The following NADK2 variants were observed in gnomAD, a reference collection of about 807,000 sequenced individuals.
The protein encoded by NADK2 is NAD kinase domain-containing protein 1, mitochondrial.
In NADK2, 35 loss-of-function variants were observed where a neutral mutation model predicts 62.1. The observed-to-expected ratio is 0.56, with a 90% CI of 0.43 to 0.75. The LOEUF is 0.75. Ranked by LOEUF, NADK2 falls within the 30% of genes least tolerant of loss-of-function variation. NADK2 has a pLI of 0.00. For missense variants in NADK2, 439 were observed against 561.3 expected, an observed-to-expected ratio of 0.78 and a Z score of 2.20; for synonymous variants, 205 against 207.9, an observed-to-expected ratio of 0.99 and a Z score of 0.12.
chr5:36,217,687 AG>A, intron 6 of NADK2, 60 bp downstream of exon 6: 1 of 1,594,770 alleles, frequency 6.3e-7, no homozygotes, highest in Non-Finnish European at 8.6e-7. Context: ...AAAAAATTTG[AG>A]GTCAAAGGAG....
At chr5:36,208,251 G>A (rs909549991) in intron 7 of NADK2, among the ~76,000 whole-genome samples, 1 of 151,912 alleles carries the variant, frequency 6.6e-6, no homozygotes, top group Non-Finnish European at 1.5e-5. Context: ...TTTCTCTATA[G>A]TCAGAATTTC....
At chr5:36,224,388 C>CTCTA (rs1747397076) in intron 4 of NADK2, among the ~76,000 whole-genome samples, 1 of 151,968 alleles carries the variant, frequency 6.6e-6, no homozygotes, top group Admixed American at 6.6e-5. Context: ...GAGACCCCAT[C>CTCTA]TCTACTAAAA....
intron 1 of NADK2, among the ~76,000 whole-genome samples, chr5:36,230,646 G>C (rs1747673189): frequency 1.3e-5 from 2 of 152,190 alleles, no homozygotes; most frequent in African/African-American, 4.8e-5. Flanking sequence ...TGCTACAGAA[G>C]ATAACCCAGA....
At chr5:36,217,677 A>C in intron 6 of NADK2, 71 bp downstream of exon 6, 6 of 1,481,132 alleles carry the variant, frequency 4.1e-6, no homozygotes, top group Non-Finnish European at 5.6e-6. Flanking sequence ...TTATTACATC[A>C]AAAAATTTGA....
chr5:36,222,867 C>A (rs1195632094), intron 4 of NADK2, among the ~76,000 whole-genome samples: 2 of 152,142 alleles, frequency 1.3e-5, no homozygotes, highest in African/African-American at 4.8e-5. Context: ...ACAGCTTCAG[C>A]ACAGATGATT....
At chr5:36,221,905 A>T (rs1447846059) in intron 4 of NADK2, 1 of 152,164 alleles carries the variant, frequency 6.6e-6, no homozygotes, top group Admixed American at 6.5e-5. Context: ...TGAACCAATG[A>T]TCTCTATTAT....
chr5:36,213,537 A>G (rs1746927242), intron 6 of NADK2, among the ~76,000 whole-genome samples: 1 of 149,628 alleles, frequency 6.7e-6, no homozygotes, highest in Non-Finnish European at 1.5e-5. Flanking sequence ...GTACCCTTGG[A>G]GCACTTGTTG....
rs771197983 is a variant in NADK2, at chr5:36,241,496, C to T, written c.300+3G>A. 9 of 1,545,922 alleles carry T rather than the reference C, an allele frequency of 5.8e-6. No homozygotes were observed. The African/African-American group carries it at 1.1e-4, about 19-fold the overall frequency. Reference sequence around the variant, plus strand: ...AGCGAAGCGGGGCCGAGCCAGGACCCACCAGCTGCTTCAGGTCCTCCTCCG... The same window carrying T: ...AGCGAAGCGGGGCCGAGCCAGGACCTACCAGCTGCTTCAGGTCCTCCTCCG... On this transcript the variant is annotated splice_donor_region_variant and intron_variant, in intron 1 of 11. Coordinates refer to ENST00000381937, the MANE Select transcript of NADK2 (RefSeq NM_001085411.3). This position sits in a 1 kb window ranked among gnomAD's most constrained non-coding sequence, Gnocchi z 4.9.
chr5:36,227,703 TA>T (rs1279210301), intron 1 of NADK2, 138 bp from the exon 2 acceptor site: 11 of 415,642 alleles, frequency 2.6e-5, no homozygotes, highest in Admixed American at 4.5e-5. Flanking sequence ...AACCTACAAG[TA>T]CAAATTGAAC....
chr5:36,202,878 T>C (rs1746497414), intron 8 of NADK2, among the ~76,000 whole-genome samples: 1 of 152,050 alleles, frequency 6.6e-6, no homozygotes, highest in African/African-American at 2.4e-5. Context: ...GAACAAGAAA[T>C]AGACTTATAC....
intron 7 of NADK2, among the ~76,000 whole-genome samples, chr5:36,211,625 TTA>T (rs1347855901): frequency 6.6e-6 from 1 of 152,186 alleles, no homozygotes; most frequent in East Asian, 1.9e-4. Flanking sequence ...ATAACTTTAT[TTA>T]ATCTAGGGTT....
intron 7 of NADK2, 57 bp downstream of exon 7, chr5:36,211,787 T>A: frequency 7.1e-7 from 1 of 1,414,788 alleles, no homozygotes; most frequent in Non-Finnish European, 9.9e-7. Flanking sequence ...ACTGAATAAA[T>A]ATCCAAAAGC....
intron 8 of NADK2, among the ~76,000 whole-genome samples, chr5:36,204,424 G>A (rs1029219980): frequency 6.6e-6 from 1 of 151,916 alleles, no homozygotes; most frequent in African/African-American, 2.4e-5. Context: ...AAGAATACTG[G>A]GTAAATACAA....
At chr5:36,236,880 A>AAC (rs1554011511) in intron 1 of NADK2, among the ~76,000 whole-genome samples, 5 of 151,528 alleles carry the variant, frequency 3.3e-5, no homozygotes, top group East Asian at 3.9e-4. Flanking sequence ...AAAAAAAAAA[A>AAC]AAAAAAACAG....
In NADK2 at chr5:36,194,122, G is replaced by A. The variant is rs1746133931; in HGVS notation, c.*1022C>T. ...CCTCCAAAAATAAAGGAATTCTCAT[G>A]GGGAAAAAAAAAAAGTCCTAACATC... On this transcript the variant is annotated 3_prime_UTR_variant, in exon 12 of 12. Transcript: ENST00000381937. 6.6e-6 allele frequency: 1 copy of A among 151,134 alleles called. No homozygotes were observed. The highest frequency in any genetic ancestry group is 1.5e-5 in the Non-Finnish European group (1 of 67,766). The allele number at this position is 151,134 out of a possible 1,614,324, so 9.4% of individuals were successfully genotyped here. A position where few individuals can be genotyped will look rare whatever the true frequency, so the allele number is the denominator to read the frequency against.
At chr5:36,195,974 ATAG>A (rs71979892) in intron 11 of NADK2, among the ~76,000 whole-genome samples, 45,345 of 152,008 alleles carry the variant, frequency 0.3, 7,950 homozygotes, top group South Asian at 0.44. Context: ...TGTAATAGTA[ATAG>A]TAGTGTGTTC....
intron 7 of NADK2, chr5:36,208,581 T>C: frequency 7.5e-7 from 1 of 1,326,934 alleles, no homozygotes; most frequent in Middle Eastern, 1.8e-4. Context: ...CATAGAATTT[T>C]TGTTTCAGGG....
chr5:36,209,832 T>A (rs894656770), intron 7 of NADK2, among the ~76,000 whole-genome samples: 1 of 152,172 alleles, frequency 6.6e-6, no homozygotes, highest in African/African-American at 2.4e-5. Context: ...CCCTAGTGAC[T>A]CACATATTAC....
intron 1 of NADK2, among the ~76,000 whole-genome samples, chr5:36,232,102 G>C (rs955820920): frequency 3.9e-5 from 6 of 152,034 alleles, no homozygotes; most frequent in African/African-American, 1.4e-4. Flanking sequence ...TTAAAATAAA[G>C]CACAACATGT....
Sources: gnomAD v4.1 joint callset for allele counts (sites outside exome capture counted in the v4.1 genomes callset) on GRCh38, gnomAD v4.1.1 for gene constraint, Gnocchi (gnomAD v3.1) non-coding constraint, MANE v1.5 for transcripts, NCBI Gene and HGNC (gene_info 2026-07-23, HGNC 2026-07-21) for gene names.